FRMD4A: variants seen among roughly 807,000 people sequenced by gnomAD.
FRMD4A encodes the protein FERM domain-containing protein 4A.
Under a neutral mutation model 129.1 loss-of-function variants are expected in FRMD4A, and 29 were observed. The observed-to-expected ratio is 0.22, with a 90% confidence interval of 0.17 to 0.31. The LOEUF (loss-of-function observed/expected upper bound fraction) is 0.31, where lower values mean the gene tolerates loss of function less well. Ranked by LOEUF, FRMD4A falls within the 10% of genes least tolerant of loss-of-function variation. FRMD4A has a pLI of 1.00. For synonymous variants in FRMD4A, 634 were observed against 571.6 expected, an observed-to-expected ratio of 1.11 and a Z score of -1.56; for missense variants, 1,272 against 1,375.8, an observed-to-expected ratio of 0.92 and a Z score of 1.19.
intron 2 of FRMD4A, among the ~76,000 whole-genome samples, chr10:14,027,051 A>G (rs1422223645): frequency 6.6e-6 from 1 of 152,242 alleles, no homozygotes; most frequent in African/African-American, 2.4e-5. Context: ...TAATCACATC[A>G]TGGAAAATGG....
At chr10:13,939,246 C>G (rs780159306) in intron 2 of FRMD4A, among the ~76,000 whole-genome samples, 1 of 152,076 alleles carries the variant, frequency 6.6e-6, no homozygotes, top group African/African-American at 2.4e-5. Flanking sequence ...TCCTGGAGAG[C>G]GTTTAAGGTT....
At chr10:14,235,619 G>A (rs1365801722) in intron 2 of FRMD4A, among the ~76,000 whole-genome samples, 2 of 152,108 alleles carry the variant, frequency 1.3e-5, no homozygotes, top group African/African-American at 2.4e-5. Flanking sequence ...CTGTTAACAC[G>A]GGTATAACAG....
chr10:14,202,517 T>A (rs937087831), intron 2 of FRMD4A, among the ~76,000 whole-genome samples: 2 of 152,150 alleles, frequency 1.3e-5, no homozygotes, highest in Non-Finnish European at 2.9e-5. Context: ...TTCTCCTGCC[T>A]CAACCTCCCA....
intron 2 of FRMD4A, among the ~76,000 whole-genome samples, chr10:13,928,701 C>T (rs1443893677): frequency 6.6e-6 from 1 of 152,052 alleles, no homozygotes. Flanking sequence ...GTGGGGGTGT[C>T]CCTGGGCAGG....
intron 2 of FRMD4A, among the ~76,000 whole-genome samples, chr10:14,090,589 C>G (rs890505344): frequency 6.6e-6 from 1 of 152,174 alleles, no homozygotes; most frequent in Non-Finnish European, 1.5e-5. Context: ...CATGCTAAAG[C>G]CTTCATCGAT....
chr10:14,071,677 G>A (rs2131717115), intron 2 of FRMD4A, among the ~76,000 whole-genome samples: 1 of 152,216 alleles, frequency 6.6e-6, no homozygotes, highest in East Asian at 1.9e-4. Flanking sequence ...TTTTTAGGAG[G>A]TAAGTGGACT....
chr10:13,689,204 G>GGT (rs1554843982), intron 15 of FRMD4A, among the ~76,000 whole-genome samples: 1 of 32,880 alleles, frequency 3.0e-5, no homozygotes, highest in Non-Finnish European at 6.0e-5. Flanking sequence ...TTTGCGGGGG[G>GGT]GGGGGGGGGG....
chr10:13,977,518 C>T (rs1234709856), intron 2 of FRMD4A, among the ~76,000 whole-genome samples: 2 of 152,192 alleles, frequency 1.3e-5, no homozygotes, highest in Non-Finnish European at 2.9e-5. Flanking sequence ...ATTGATATAC[C>T]GTATACTTCA....
chr10:13,727,402 A>AG (rs2089975669), intron 12 of FRMD4A, among the ~76,000 whole-genome samples: 1 of 152,112 alleles, frequency 6.6e-6, no homozygotes, highest in Non-Finnish European at 1.5e-5. Context: ...CCTCTTGCCA[A>AG]GGGGGTCACT....
chr10:13,671,532 T>C (rs975134228), intron 16 of FRMD4A, among the ~76,000 whole-genome samples: 15 of 152,228 alleles, frequency 9.9e-5, no homozygotes, highest in African/African-American at 3.6e-4. Flanking sequence ...ACACTTGTTT[T>C]GTGTATTTTG....
In FRMD4A at chr10:14,193,425, T is replaced by C. The variant is rs182703080; in HGVS notation, c.45+136633A>G. Among the ~76,000 whole-genome samples, 4 of 152,030 alleles carry C rather than the reference T, an allele frequency of 2.6e-5. No individual in the cohort carries two copies. In the East Asian group the frequency reaches 7.7e-4, roughly 29 times the overall value. On this transcript the variant is annotated intron_variant, in intron 2 of 24. Transcript: ENST00000357447. ...ACGGAAATGTCACATTTCATTGCTT[T>C]TTAATTCTTGGTGTTTTACCACATA...
intron 2 of FRMD4A, among the ~76,000 whole-genome samples, chr10:14,185,619 T>TATACTTCATGGTCAGAGAGCTGCAGGGG (rs1564371627): frequency 1.2e-5 from 1 of 80,200 alleles, no homozygotes. Context: ...AGAAAGGGGA[T>TATACTTCATGGTCAGAGAGCTGCAGGGG]ATATACTTCA....
chr10:14,195,937 A>G (rs2131931128), intron 2 of FRMD4A, among the ~76,000 whole-genome samples: 1 of 152,318 alleles, frequency 6.6e-6, no homozygotes, highest in South Asian at 2.1e-4. Context: ...GACACTCTGA[A>G]AAGTTTTGTT....
intron 3 of FRMD4A, among the ~76,000 whole-genome samples, chr10:13,848,352 T>G (rs1380248232): frequency 1.3e-5 from 2 of 152,342 alleles, no homozygotes; most frequent in East Asian, 3.9e-4. Flanking sequence ...AATTGTCCCC[T>G]TAGCAGGACA....
intron 2 of FRMD4A, among the ~76,000 whole-genome samples, chr10:14,226,234 G>T (rs370503167): frequency 6.6e-6 from 1 of 152,040 alleles, no homozygotes; most frequent in Non-Finnish European, 1.5e-5. Context: ...TTTAAGCCCC[G>T]CATGTTTTCC....
intron 2 of FRMD4A, among the ~76,000 whole-genome samples, chr10:13,896,520 G>A (rs1175286856): frequency 2.6e-5 from 4 of 152,002 alleles, no homozygotes; most frequent in African/African-American, 9.7e-5. Flanking sequence ...GGCCTGTCAG[G>A]GTCTGAGGGG....
intron 4 of FRMD4A, among the ~76,000 whole-genome samples, chr10:13,802,283 G>A (rs2093272392): frequency 2.0e-5 from 3 of 152,174 alleles, no homozygotes; most frequent in Admixed American, 1.3e-4. Context: ...GGAGAGCTTT[G>A]TTTATAGTTA....
chr10:14,091,280 C>T (rs1272792732), intron 2 of FRMD4A, among the ~76,000 whole-genome samples: 1 of 151,698 alleles, frequency 6.6e-6, no homozygotes, highest in Admixed American at 6.6e-5. Context: ...TCTCACATGG[C>T]ATTAAAAAAA....
intron 15 of FRMD4A, chr10:13,684,241 T>C (rs765750034): frequency 1.2e-5 from 9 of 758,966 alleles, no homozygotes; most frequent in Non-Finnish European, 1.4e-5. Flanking sequence ...ACTAATAATC[T>C]GGCCAACGAG....
Sources: gnomAD v4.1 joint callset for allele counts (sites outside exome capture counted in the v4.1 genomes callset) on GRCh38, gnomAD v4.1.1 for gene constraint, MANE v1.5 for transcripts, NCBI Gene and HGNC (gene_info 2026-07-23, HGNC 2026-07-21) for gene names.